The following OPCML variants were observed in gnomAD, a reference collection of about 807,000 sequenced individuals.
OPCML encodes the protein opioid binding protein/cell adhesion molecule like.
Under a neutral mutation model 37.8 loss-of-function variants are expected in OPCML, and 13 were observed. The observed-to-expected ratio is 0.34, with a 90% CI of 0.22 to 0.55. The LOEUF is 0.55. Ranked by LOEUF, OPCML falls within the 20% of genes least tolerant of loss-of-function variation. The pLI is 0.91. For missense variants in OPCML, 341 were observed against 435.6 expected, an observed-to-expected ratio of 0.78 and a Z score of 1.93; for synonymous variants, 176 against 168.8, an observed-to-expected ratio of 1.04 and a Z score of -0.33.
chr11:133,265,193 C>T (rs1054962979), intron 1 of OPCML, among the ~76,000 whole-genome samples: 1 of 152,172 alleles, frequency 6.6e-6, no homozygotes, highest in Admixed American at 6.5e-5. Flanking sequence ...GCCGCTTCAT[C>T]CTCCTGAAAC....
chr11:132,422,155 T>A (rs918513913), intron 7 of OPCML, among the ~76,000 whole-genome samples: 10 of 152,180 alleles, frequency 6.6e-5, no homozygotes, highest in African/African-American at 2.4e-4. Context: ...GTCTAATTAT[T>A]ATTTTGAGCT....
At chr11:133,029,747 A>G (rs1947630927) in intron 1 of OPCML, among the ~76,000 whole-genome samples, 1 of 152,028 alleles carries the variant, frequency 6.6e-6, no homozygotes, top group Admixed American at 6.6e-5. Flanking sequence ...TTGAAATACT[A>G]CCTATCAGGT....
At chr11:132,447,490 A>G (rs1270041966) in intron 4 of OPCML, among the ~76,000 whole-genome samples, 1 of 131,966 alleles carries the variant, frequency 7.6e-6, no homozygotes, top group African/African-American at 2.8e-5. Flanking sequence ...TGTATTTTTT[A>G]GTAGAGACAG....
In OPCML at chr11:133,499,811, TATATATATACACAC is replaced by T. The variant is rs1236507405; in HGVS notation, c.61+32439_61+32452del. 3.5e-4 allele frequency among the ~76,000 whole-genome samples: 50 copies of T among 142,086 alleles called. No individual in the cohort carries two copies. The South Asian group carries it at 8.4e-3, about 24-fold the overall frequency. 93.2% of individuals were successfully genotyped at this position (142,086 alleles called of 152,430 possible). On this transcript the variant is annotated intron_variant, in intron 1 of 7. Coordinates refer to ENST00000524381, the MANE Select transcript of OPCML (RefSeq NM_001012393.5). ...ATACACATATATATATGTGTGTGTA[TATATATATACACAC>T]ATATATATGTGTATGTATATATATA...
At chr11:133,497,197 G>T (rs1015218840) in intron 1 of OPCML, among the ~76,000 whole-genome samples, 5 of 152,036 alleles carry the variant, frequency 3.3e-5, no homozygotes, top group Non-Finnish European at 7.4e-5. Flanking sequence ...TGGAGTCTTT[G>T]TTCATATTTT....
chr11:133,440,908 G>C (rs894593523), intron 1 of OPCML, among the ~76,000 whole-genome samples: 1 of 149,844 alleles, frequency 6.7e-6, no homozygotes, highest in African/African-American at 2.4e-5. Flanking sequence ...TACACTACAG[G>C]CTTAGCCAAT....
At chr11:133,330,005 C>T (rs1943579230) in intron 1 of OPCML, among the ~76,000 whole-genome samples, 1 of 152,018 alleles carries the variant, frequency 6.6e-6, no homozygotes. Flanking sequence ...ACAAACAACC[C>T]CATCAAAAAG....
At chr11:132,474,972 C>G (rs2096150448) in intron 4 of OPCML, among the ~76,000 whole-genome samples, 1 of 152,164 alleles carries the variant, frequency 6.6e-6, no homozygotes, top group African/African-American at 2.4e-5. Context: ...CTGCCATGTT[C>G]TCTCCATTAC....
chr11:133,278,357 C>T (rs1356106165), intron 1 of OPCML, among the ~76,000 whole-genome samples: 1 of 151,870 alleles, frequency 6.6e-6, no homozygotes, highest in African/African-American at 2.4e-5. Flanking sequence ...TTTTGCTTTC[C>T]CTCAAAAAGC....
chr11:132,688,688 TATAAAAATAGATTGGGAGGCCGAGGCGG>T lies in OPCML; in HGVS notation c.147-31397_147-31370del, dbSNP rs1943266500. 1.9e-5 allele frequency among the ~76,000 whole-genome samples: 2 copies of T among 106,282 alleles called. 1 individual carries two copies. The highest frequency in any genetic ancestry group is 4.0e-5 in the Non-Finnish European group (2 of 50,226). The allele number at this position is 106,282 out of a possible 152,430, so 69.7% of individuals were successfully genotyped here. ...AGCATATTATCTAATAGATACAAAA[TATAAAAATAGATTGGGAGGCCGAGGCGG>T]GTGGATCATGAGGTCAGGAGATCGA... On this transcript the variant is annotated intron_variant, in intron 2 of 7. Transcript: ENST00000524381.
chr11:132,478,760 A>T (rs937092974), intron 4 of OPCML, among the ~76,000 whole-genome samples: 3 of 152,196 alleles, frequency 2.0e-5, no homozygotes, highest in South Asian at 2.1e-4. Flanking sequence ...TTCTAAGATT[A>T]ACTGGTTTTG....
intron 1 of OPCML, among the ~76,000 whole-genome samples, chr11:133,048,454 C>A (rs895799182): frequency 6.6e-6 from 1 of 152,180 alleles, no homozygotes; most frequent in South Asian, 2.1e-4. Flanking sequence ...GCCAACTCAT[C>A]ATACCACTTA....
chr11:133,298,996 A>G (rs1046200009), intron 1 of OPCML: 31 of 152,222 alleles, frequency 2.0e-4, no homozygotes, highest in African/African-American at 5.3e-4. Context: ...GCAGGAAAAA[A>G]AAAAATGAAA....
At chr11:133,459,867 C>G (rs1354692374) in intron 1 of OPCML, among the ~76,000 whole-genome samples, 1 of 152,006 alleles carries the variant, frequency 6.6e-6, no homozygotes, top group Non-Finnish European at 1.5e-5. Flanking sequence ...TTATAACCAA[C>G]TGGACCTGAC....
chr11:132,839,720 G>T (rs1342097347), intron 2 of OPCML, among the ~76,000 whole-genome samples: 2 of 152,152 alleles, frequency 1.3e-5, no homozygotes, highest in African/African-American at 4.8e-5. Flanking sequence ...CGGATCAGAT[G>T]CTGCAACATT....
At chr11:133,498,383 G>A (rs1435850314) in intron 1 of OPCML, among the ~76,000 whole-genome samples, 1 of 152,196 alleles carries the variant, frequency 6.6e-6, no homozygotes, top group Non-Finnish European at 1.5e-5. Flanking sequence ...AGACAGAAGA[G>A]GAGACAGAGA....
At chr11:133,042,364 G>A (rs1006272101) in intron 1 of OPCML, among the ~76,000 whole-genome samples, 10 of 152,308 alleles carry the variant, frequency 6.6e-5, no homozygotes, top group Middle Eastern at 3.4e-3. Context: ...AGCACTGGAC[G>A]ATGAATAAAC....
At chr11:133,158,713 AAAATAAAATAAAAT>A (rs1565478681) in intron 1 of OPCML, among the ~76,000 whole-genome samples, 36 of 33,324 alleles carry the variant, frequency 1.1e-3, no homozygotes, top group South Asian at 5.9e-3. Flanking sequence ...TAAAATTAAA[AAAATAAAATAAAAT>A]AAAATAAAAT....
intron 1 of OPCML, among the ~76,000 whole-genome samples, chr11:133,390,478 AACG>A (rs981507382): frequency 2.6e-5 from 4 of 151,560 alleles, no homozygotes; most frequent in African/African-American, 7.3e-5. Context: ...AAACAACAAC[AACG>A]ACAACAACAA....
Sources: gnomAD v4.1 joint callset for allele counts (sites outside exome capture counted in the v4.1 genomes callset) on GRCh38, gnomAD v4.1.1 for gene constraint, MANE v1.5 for transcripts, NCBI Gene and HGNC (gene_info 2026-07-23, HGNC 2026-07-21) for gene names.